BRINP1: variants seen among roughly 807,000 people sequenced by gnomAD.
BRINP1 encodes the protein BMP/retinoic acid-inducible neural-specific protein 1.
BRINP1 carries 17 observed loss-of-function variants against 72.9 expected under a neutral mutation model. The observed-to-expected ratio is 0.23, with a 90% CI of 0.16 to 0.35. The LOEUF is 0.35. Ranked by LOEUF, BRINP1 falls within the 10% of genes least tolerant of loss-of-function variation. The pLI is 1.00. For missense variants in BRINP1, 850 were observed against 1,001.6 expected, an observed-to-expected ratio of 0.85 and a Z score of 2.04; for synonymous variants, 418 against 378.5, an observed-to-expected ratio of 1.10 and a Z score of -1.21.
At chr9:119,218,602 A>T (rs145098051) in intron 5 of BRINP1, among the ~76,000 whole-genome samples, 1 of 152,020 alleles carries the variant, frequency 6.6e-6, no homozygotes, top group Non-Finnish European at 1.5e-5. Flanking sequence ...AAGTCTCACA[A>T]CTAAGGTAAC....
At chr9:119,294,779 C>T (rs1202213213) in intron 2 of BRINP1, among the ~76,000 whole-genome samples, 1 of 142,620 alleles carries the variant, frequency 7.0e-6, no homozygotes, top group Non-Finnish European at 1.5e-5. Context: ...TCACTTGAAC[C>T]CAGGAGGTGG....
At chr9:119,362,166 C>T (rs1469281806) in intron 1 of BRINP1, among the ~76,000 whole-genome samples, 1 of 151,716 alleles carries the variant, frequency 6.6e-6, no homozygotes, top group Non-Finnish European at 1.5e-5. Flanking sequence ...AAGCAAGCCA[C>T]AGCTGGGCCC....
intron 6 of BRINP1, among the ~76,000 whole-genome samples, chr9:119,212,250 G>A (rs929084056): frequency 6.6e-6 from 1 of 152,158 alleles, no homozygotes; most frequent in South Asian, 2.1e-4. Flanking sequence ...AGCTGGGTTA[G>A]GGCTTAGAGT....
intron 7 of BRINP1, among the ~76,000 whole-genome samples, chr9:119,204,757 G>A (rs1829836247): frequency 6.6e-6 from 1 of 152,124 alleles, no homozygotes; most frequent in South Asian, 2.1e-4. Flanking sequence ...TAACCTGAAG[G>A]CAAGTGTTAT....
At chr9:119,296,330 C>A (rs1306336618) in intron 2 of BRINP1, among the ~76,000 whole-genome samples, 1 of 152,070 alleles carries the variant, frequency 6.6e-6, no homozygotes, top group Non-Finnish European at 1.5e-5. Flanking sequence ...TAAATCAAAA[C>A]CACAATGAGC....
chr9:119,189,353 C>A (rs1238480515), intron 7 of BRINP1, among the ~76,000 whole-genome samples: 1 of 151,978 alleles, frequency 6.6e-6, no homozygotes, highest in Non-Finnish European at 1.5e-5. Flanking sequence ...CTGTAAATAT[C>A]CAATCAAAAG....
chr9:119,326,734 T>G lies in BRINP1; in HGVS notation c.-50-13329A>C, dbSNP rs530374230. Among the ~76,000 whole-genome samples, 4 of 152,298 alleles carry G rather than the reference T, an allele frequency of 2.6e-5. No individual in the cohort carries two copies. The South Asian group carries it at 8.3e-4, about 32-fold the overall frequency. On this transcript the variant is annotated intron_variant, in intron 1 of 7. Coordinates refer to ENST00000265922, the MANE Select transcript of BRINP1 (RefSeq NM_014618.3). Reference sequence around the variant, plus strand: ...CAATAGATATTTCTTGATCCTCTATTTTAATTGGCTCTCACAGTCCAGAAT... The same window carrying G: ...CAATAGATATTTCTTGATCCTCTATGTTAATTGGCTCTCACAGTCCAGAAT...
rs562014059 is a variant in BRINP1, at chr9:119,328,803, G to T, written c.-50-15398C>A. Among the ~76,000 whole-genome samples, 532 of 152,084 alleles carry T rather than the reference G, an allele frequency of 3.5e-3. 1 individual carries two copies. The highest frequency in any genetic ancestry group is 5.8e-3 in the Non-Finnish European group (394 of 67,960). On this transcript the variant is annotated intron_variant, in intron 1 of 7. Coordinates refer to ENST00000265922, the MANE Select transcript of BRINP1 (RefSeq NM_014618.3). ...CTCAGGGGAGCTGAGATTTGGCTTG[G>T]GAGTCAAAAAGACTTCTCAGGGGAG...
At chr9:119,190,244 G>C (rs1298256627) in intron 7 of BRINP1, among the ~76,000 whole-genome samples, 1 of 151,676 alleles carries the variant, frequency 6.6e-6, no homozygotes. Context: ...TAAGGAGTTA[G>C]TAAAAGAAGA....
chr9:119,298,459 G>T (rs1830904089), intron 2 of BRINP1, among the ~76,000 whole-genome samples: 2 of 152,108 alleles, frequency 1.3e-5, no homozygotes, highest in South Asian at 4.1e-4. Flanking sequence ...TTCTTTTACA[G>T]ATTGAGATTT....
chr9:119,325,015 G>C (rs995254446), intron 1 of BRINP1, among the ~76,000 whole-genome samples: 4 of 151,998 alleles, frequency 2.6e-5, no homozygotes, highest in Admixed American at 2.6e-4. Flanking sequence ...CAAGAGAATT[G>C]CTTGAACCAG....
chr9:119,203,276 C>A (rs1829822649), intron 7 of BRINP1, among the ~76,000 whole-genome samples: 1 of 152,128 alleles, frequency 6.6e-6, no homozygotes, highest in African/African-American at 2.4e-5. Context: ...TCCTTACCTG[C>A]CCATGTGACC....
intron 2 of BRINP1, among the ~76,000 whole-genome samples, chr9:119,274,863 T>C (rs1564235583): frequency 1.3e-5 from 2 of 152,266 alleles, no homozygotes; most frequent in East Asian, 3.9e-4. Context: ...GATATAGATA[T>C]ATGTGTATAT....
chr9:119,308,457 G>A (rs1236683661), intron 2 of BRINP1, among the ~76,000 whole-genome samples: 1 of 152,142 alleles, frequency 6.6e-6, no homozygotes, highest in Non-Finnish European at 1.5e-5. Flanking sequence ...AACTCCCCAT[G>A]TACAATATCT....
Position 119,313,287 on chromosome 9 carries a change from G to A in BRINP1, c.69C>T (p.Ser23=). Reference sequence around the variant, plus strand: ...GGTCTGTCCCAGCTGGTTCCTGGTGGGAGGGCTGCACTGAGATACGGCCCC... The same window carrying A: ...GGTCTGTCCCAGCTGGTTCCTGGTGAGAGGGCTGCACTGAGATACGGCCCC... ...FIWGRISVQP[S]HQEPAGTDQH... The change falls in exon 2 of 8, where the codon TCC becomes TCT. Residue 23 remains serine (S), a synonymous_variant. Transcript: ENST00000265922. The A allele has an allele frequency of 3.1e-6, 5 of 1,614,150 alleles. No individual in the cohort carries two copies. The highest frequency in any genetic ancestry group is 4.2e-6 in the Non-Finnish European group (5 of 1,180,030).
At chr9:119,237,772 C>G (rs550645823) in intron 5 of BRINP1, among the ~76,000 whole-genome samples, 35 of 152,136 alleles carry the variant, frequency 2.3e-4, no homozygotes, top group Non-Finnish European at 4.4e-4. Context: ...AACGATTCTC[C>G]TGCCTCATCC....
In BRINP1 at chr9:119,258,601, T is replaced by G. The variant is rs145764015; in HGVS notation, c.219-9451A>C. ...ACGGCCATCACTGTCATTTCACAGA[T>G]GAGAAAACTGAGGCCCATAGAGAGA... On this transcript the variant is annotated intron_variant, in intron 2 of 7. Coordinates refer to ENST00000265922, the MANE Select transcript of BRINP1 (RefSeq NM_014618.3). Among the ~76,000 whole-genome samples the G allele has an allele frequency of 1.2e-4, 18 of 152,244 alleles. No individual in the cohort carries two copies. In the East Asian group the frequency reaches 3.5e-3, roughly 29 times the overall value.
intron 7 of BRINP1, among the ~76,000 whole-genome samples, chr9:119,196,411 G>A (rs999751818): frequency 5.3e-5 from 8 of 152,108 alleles, no homozygotes; most frequent in African/African-American, 1.4e-4. Context: ...AGATCCCATC[G>A]ATTCTCCAAT....
intron 2 of BRINP1, among the ~76,000 whole-genome samples, chr9:119,264,935 T>C (rs1239203050): frequency 6.6e-6 from 1 of 152,200 alleles, no homozygotes; most frequent in Non-Finnish European, 1.5e-5. Context: ...CCTCCCCAAG[T>C]GCTGGGATTA....
Sources: allele counts gnomAD v4.1 joint callset (sites outside exome capture counted in the v4.1 genomes callset), GRCh38; gene constraint gnomAD v4.1.1; transcripts MANE v1.5; gene names NCBI Gene and HGNC (gene_info 2026-07-23, HGNC 2026-07-21).